The following ADGRL2 variants were observed in gnomAD, a reference collection of about 807,000 sequenced individuals.
ADGRL2 encodes the protein calcium-independent alpha-latrotoxin receptor 2.
ADGRL2 carries 44 observed loss-of-function variants against 157.4 expected under a neutral mutation model. That is an observed-to-expected ratio of 0.28 (90% confidence interval 0.22 to 0.36). The LOEUF is 0.36. ADGRL2 is among the 10% of genes least tolerant of loss of function. ADGRL2 has a pLI of 1.00. For missense variants in ADGRL2, 1,510 were observed against 1,768.9 expected (o/e 0.85, Z 2.63); for synonymous variants, 585 against 624.7 (o/e 0.94, Z 0.95).
intron 3 of ADGRL2, among the ~76,000 whole-genome samples, chr1:81,629,579 A>T (rs1349641059): frequency 5.3e-5 from 8 of 152,148 alleles, no homozygotes; most frequent in Admixed American, 3.3e-4. Context: ...TTCCATATGC[A>T]CTACTGTTTC....
At chr1:81,392,191 T>C (rs1427465671) in intron 1 of ADGRL2, among the ~76,000 whole-genome samples, 2 of 148,942 alleles carry the variant, frequency 1.3e-5, no homozygotes, top group African/African-American at 4.9e-5. Context: ...AAGCACCAAA[T>C]ATATGCCTCT....
intron 2 of ADGRL2, among the ~76,000 whole-genome samples, chr1:81,526,225 G>A (rs2079451480): frequency 6.6e-6 from 1 of 152,146 alleles, no homozygotes; most frequent in Non-Finnish European, 1.5e-5. Flanking sequence ...AAGCCACTTT[G>A]CAACATACAG....
At chr1:81,411,291 A>G (rs1314264689) in intron 1 of ADGRL2, among the ~76,000 whole-genome samples, 1 of 152,226 alleles carries the variant, frequency 6.6e-6, no homozygotes, top group Admixed American at 6.5e-5. Context: ...TTTGGGAAAG[A>G]TATTTTTCAC....
Position 81,982,610 on chromosome 1 carries a change from C to T in ADGRL2, c.3282+634C>T, listed in dbSNP as rs1331832777. On this transcript the variant is annotated intron_variant, in intron 19 of 23. Transcript: ENST00000686636. ...TTCACTGGGTATCATCCTTTCTCTG[C>T]CTACATATCTAATGTAGTCGTTTTA... Among the ~76,000 whole-genome samples, 3 of 151,968 alleles carry T rather than the reference C, an allele frequency of 2.0e-5. No homozygotes were observed. In the East Asian group the frequency reaches 5.8e-4, roughly 29 times the overall value.
chr1:81,766,847 GAAAA>G (rs66946051), intron 2 of ADGRL2, among the ~76,000 whole-genome samples: 1 of 117,828 alleles, frequency 8.5e-6, no homozygotes, highest in Non-Finnish European at 1.8e-5. Flanking sequence ...AAAAAAAAAG[GAAAA>G]AAAAAAAAAA....
intron 1 of ADGRL2, among the ~76,000 whole-genome samples, chr1:81,752,762 G>A (rs533541231): frequency 6.6e-6 from 1 of 152,212 alleles, no homozygotes; most frequent in South Asian, 2.1e-4. Context: ...TTGGTTTTCT[G>A]TTTTCTTTTG....
At chr1:81,419,033 A>G (rs2077081019) in intron 1 of ADGRL2, among the ~76,000 whole-genome samples, 1 of 152,148 alleles carries the variant, frequency 6.6e-6, no homozygotes, top group Non-Finnish European at 1.5e-5. Context: ...CAGGAATGCA[A>G]TGCACTAGAC....
intron 2 of ADGRL2, among the ~76,000 whole-genome samples, chr1:81,571,104 C>T (rs879745747): frequency 3.2e-4 from 48 of 151,930 alleles, no homozygotes; most frequent in Non-Finnish European, 6.2e-4. Context: ...GCGGGCAGAT[C>T]ACCTGAGGTC....
chr1:81,396,621 A>G (rs1381105051), intron 1 of ADGRL2, among the ~76,000 whole-genome samples: 2 of 152,122 alleles, frequency 1.3e-5, no homozygotes, highest in East Asian at 1.9e-4. Flanking sequence ...TCAGATGTTA[A>G]CTGTGGGTTT....
intron 1 of ADGRL2, among the ~76,000 whole-genome samples, chr1:81,324,037 G>A (rs1660713913): frequency 1.3e-5 from 2 of 152,166 alleles, no homozygotes; most frequent in African/African-American, 4.8e-5. Flanking sequence ...GAGTGAGGCA[G>A]GAAGATTCCC....
intron 2 of ADGRL2, among the ~76,000 whole-genome samples, chr1:81,491,178 T>C (rs78915090): frequency 0.15 from 22,198 of 152,140 alleles, 2,990 homozygotes; most frequent in African/African-American, 0.36. Flanking sequence ...ATATATAATG[T>C]TATGTGAAAA....
intron 6 of ADGRL2, among the ~76,000 whole-genome samples, chr1:81,945,740 T>C (rs1649609086): frequency 6.6e-6 from 1 of 152,070 alleles, no homozygotes; most frequent in Non-Finnish European, 1.5e-5. Flanking sequence ...TGGTTTGTCA[T>C]CCAAAATAGC....
chr1:81,675,032 T>C (rs966825776), intron 3 of ADGRL2, among the ~76,000 whole-genome samples: 8 of 152,198 alleles, frequency 5.3e-5, no homozygotes, highest in Non-Finnish European at 1.0e-4. Context: ...AAGTATCTCA[T>C]GCAAACGAAT....
chr1:81,472,210 AT>A (rs927885362), intron 2 of ADGRL2, among the ~76,000 whole-genome samples: 13 of 152,272 alleles, frequency 8.5e-5, no homozygotes, highest in East Asian at 3.9e-4. Context: ...TTACTAGATG[AT>A]TTTTTTCCCC....
chr1:81,538,638 G>A (rs921788593), intron 2 of ADGRL2, among the ~76,000 whole-genome samples: 4 of 152,070 alleles, frequency 2.6e-5, no homozygotes, highest in Non-Finnish European at 4.4e-5. Flanking sequence ...GTGTTATGTC[G>A]ATGACTCATT....
At chr1:81,480,691 C>A (rs952935411) in intron 2 of ADGRL2, among the ~76,000 whole-genome samples, 1 of 152,074 alleles carries the variant, frequency 6.6e-6, no homozygotes, top group African/African-American at 2.4e-5. Flanking sequence ...TATATAACGA[C>A]TAAGTGGTTT....
chr1:81,393,828 T>C (rs2076603819), intron 1 of ADGRL2, among the ~76,000 whole-genome samples: 1 of 150,766 alleles, frequency 6.6e-6, no homozygotes, highest in South Asian at 2.1e-4. Context: ...CTTTTTTTTT[T>C]TTTTTGCTTT....
At chr1:81,804,883 C>T (rs879915426) in intron 1 of ADGRL2, among the ~76,000 whole-genome samples, 1 of 152,100 alleles carries the variant, frequency 6.6e-6, no homozygotes, top group African/African-American at 2.4e-5. Flanking sequence ...CATTTGTACA[C>T]GTAGGTAACT....
chr1:81,606,767 T>C (rs868252282), intron 3 of ADGRL2, among the ~76,000 whole-genome samples: 78 of 137,618 alleles, frequency 5.7e-4, no homozygotes, highest in Admixed American at 8.0e-4. Context: ...TGTGTGTGTG[T>C]GTGTGTGCGC....
Sources: allele counts gnomAD v4.1 joint callset (sites outside exome capture counted in the v4.1 genomes callset), GRCh38; gene constraint gnomAD v4.1.1; transcripts MANE v1.5; gene names NCBI Gene and HGNC (gene_info 2026-07-23, HGNC 2026-07-21).